IGSF3: variants seen among roughly 807,000 people sequenced by gnomAD.
IGSF3 encodes glu-Trp-Ile EWI motif-containing protein 3.
IGSF3 carries 23 observed loss-of-function variants against 114.4 expected under a neutral mutation model. The observed-to-expected ratio is 0.20, with a 90% CI of 0.14 to 0.28. IGSF3 has a LOEUF of 0.28. Ranked by LOEUF, IGSF3 falls within the 10% of genes least tolerant of loss-of-function variation. IGSF3 has a pLI of 1.00. For missense variants in IGSF3, 1,172 were observed against 1,591.5 expected (o/e 0.74, Z 4.48); for synonymous variants, 571 against 645.2 (o/e 0.88, Z 1.74).
rs777986471 is a variant in IGSF3 at position 116,608,232 on chromosome 1, T to G, written c.932A>C (p.Asp311Ala). Reference sequence around the variant, plus strand: ...GGCCCAGGAGACAGCAAAGTAACGGTCGGGAACATTCTGAGCCTCCAGGAT... The same window carrying G: ...GGCCCAGGAGACAGCAAAGTAACGGGCGGGAACATTCTGAGCCTCCAGGAT... ...RCILEAQNVP[D>A]RYFAVSWAFN... is the part of the protein sequence containing the mutation. Residue 311 changes from aspartate (D) to alanine (A), a missense_variant, in exon 5 of 11, where the codon GAC (aspartate) becomes GCC (alanine). Asp to Ala is a moderately radical substitution (Grantham distance 126, BLOSUM62 -2). Coordinates refer to ENST00000369486, the MANE Select transcript of IGSF3 (RefSeq NM_001007237.3). The G allele has an allele frequency of 1.2e-6, 2 of 1,609,784 alleles. No individual in the cohort carries two copies. Among genetic ancestry groups the G allele is most frequent in the Admixed American group, 3.3e-5 (2 of 59,726 alleles).
Position 116,579,496 on chromosome 1 carries a change from T to C in IGSF3, c.3230A>G (p.Asn1077Ser), listed in dbSNP as rs1240657356. Residue 1077 changes from asparagine to serine, a missense_variant, in exon 10 of 11, where the codon AAT (asparagine) becomes AGT (serine). By Grantham distance (46) the Asn-to-Ser change is conservative (BLOSUM62 1). Transcript: ENST00000369486. This position sits in a 1 kb window ranked among gnomAD's most constrained non-coding sequence, Gnocchi z 6.4. ...VLQASPQDTG[N>S]YSCHVEEWLP... ...CCACTCCTCCACATGGCAGGAGTAA[T>C]TGCCTGTATCTTGGGGGCTTGCCTG... is the stretch of plus-strand genomic sequence containing the variant. 1 of 1,614,040 alleles carries C rather than the reference T, an allele frequency of 6.2e-7. No individual in the cohort carries two copies. Among genetic ancestry groups the C allele is most frequent in the Admixed American group, 1.7e-5 (1 of 60,020 alleles).
At chr1:116,609,806 C>T (rs1352846630) in intron 4 of IGSF3, among the ~76,000 whole-genome samples, 1 of 152,070 alleles carries the variant, frequency 6.6e-6, no homozygotes, top group African/African-American at 2.4e-5. Context: ...TTCTGTTTCC[C>T]CAAGAAAACA....
chr1:116,603,799 G>T lies in IGSF3; in HGVS notation c.1449C>A (p.Gly483=), dbSNP rs766821880. 9 of 1,613,846 alleles carry T rather than the reference G, an allele frequency of 5.6e-6. No individual in the cohort carries two copies. In the East Asian group the frequency reaches 1.6e-4, roughly 28 times the overall value. The change falls in exon 6 of 11, where the codon GGC becomes GGA. Residue 483 remains glycine (G), a synonymous_variant. Coordinates refer to ENST00000369486, the MANE Select transcript of IGSF3 (RefSeq NM_001007237.3). This position sits in a 1 kb window ranked among gnomAD's most constrained non-coding sequence, Gnocchi z 7.1. ...TGGGCTGCACCTGCTCCATCTGGAC[G>T]CCCCCAAAGCTGCTGCGCTCCCAGT... ...SSYWERSSFG[G]VQMEQVQPNS...
rs745956688 is a variant in IGSF3 at position 116,577,360 on chromosome 1, A to C, written c.3537T>G (p.Thr1179=). The change falls in exon 11 of 11, where the codon ACT becomes ACG. Residue 1179 remains threonine (T), a synonymous_variant. Coordinates refer to ENST00000369486, the MANE Select transcript of IGSF3 (RefSeq NM_001007237.3). The surrounding 1 kb of genome is among the most constrained non-coding windows in gnomAD (Gnocchi z 5.7). ...IKEPHLNYSP[T]CLEPPVLSIH... ...TACTGAGAACAGGGGGCTCCAGGCAAGTAGGGGAGTAGTTGAGGTGTGGCT... is the reference window on the plus strand; with the variant it reads ...TACTGAGAACAGGGGGCTCCAGGCACGTAGGGGAGTAGTTGAGGTGTGGCT... 6 of 1,614,020 alleles carry C rather than the reference A, an allele frequency of 3.7e-6. No homozygotes were observed. The African/African-American group carries it at 8.0e-5, about 22-fold the overall frequency.
Position 116,628,111 on chromosome 1 carries a change from T to C in IGSF3, c.44-11654A>G, listed in dbSNP as rs968617149. On this transcript the variant is annotated intron_variant, in intron 2 of 10. Coordinates refer to ENST00000369486, the MANE Select transcript of IGSF3 (RefSeq NM_001007237.3). This position sits in a 1 kb window ranked among gnomAD's most constrained non-coding sequence, Gnocchi z 4.2. ...ACTAGCTCCAGTGTGTGGGCAGAAG[T>C]GGAGAGGATGGAGAAAGGATACAAA... is the stretch of plus-strand genomic sequence containing the variant. Among the ~76,000 whole-genome samples, 35 of 151,964 alleles carry C rather than the reference T, an allele frequency of 2.3e-4. No homozygotes were observed. Among genetic ancestry groups the C allele is most frequent in the Non-Finnish European group, 4.7e-4 (32 of 67,968 alleles).
At chr1:116,637,842 G>A (rs898286636) in intron 2 of IGSF3, among the ~76,000 whole-genome samples, 4 of 152,154 alleles carry the variant, frequency 2.6e-5, no homozygotes, top group Non-Finnish European at 4.4e-5. Flanking sequence ...TGATTCAGAT[G>A]AGTGTGACCT....
intron 8 of IGSF3, among the ~76,000 whole-genome samples, chr1:116,586,344 A>G (rs900655017): frequency 6.6e-6 from 1 of 152,210 alleles, no homozygotes; most frequent in African/African-American, 2.4e-5. Context: ...CTCAGGGTTG[A>G]AAGGTTATTT....
intron 8 of IGSF3, among the ~76,000 whole-genome samples, chr1:116,587,832 A>AC (rs1033409726): frequency 2.6e-5 from 4 of 151,946 alleles, no homozygotes; most frequent in South Asian, 2.1e-4. Flanking sequence ...GCAACACAGC[A>AC]CCCCCCATGG....
chr1:116,594,352 A>G lies in IGSF3; in HGVS notation c.2030-5248T>C, dbSNP rs1660251959. Among the ~76,000 whole-genome samples the G allele has an allele frequency of 6.6e-6, 1 of 152,256 alleles. No homozygotes were observed. Among genetic ancestry groups the G allele is most frequent in the Admixed American group, 6.5e-5 (1 of 15,292 alleles). ...TTTTAAAGATATGATTAGGAATGTT[A>G]TATTGTATATGAATTTCATTTCTGG... On this transcript the variant is annotated intron_variant, in intron 7 of 10. Transcript: ENST00000369486. This position sits in a 1 kb window ranked among gnomAD's most constrained non-coding sequence, Gnocchi z 5.2.
chr1:116,623,068 C>T (rs1172718451), intron 2 of IGSF3, among the ~76,000 whole-genome samples: 1 of 152,262 alleles, frequency 6.6e-6, no homozygotes, highest in African/African-American at 2.4e-5. Flanking sequence ...GCCACTTCCA[C>T]AGGCACATCG....
In IGSF3 at chr1:116,648,019, G is replaced by A. The variant is rs550817643; in HGVS notation, c.43+18265C>T. Among the ~76,000 whole-genome samples the A allele has an allele frequency of 1.6e-3, 251 of 152,216 alleles. 1 individual carries two copies. Among genetic ancestry groups the A allele is most frequent in the Non-Finnish European group, 8.7e-4 (59 of 68,008 alleles). The stretch of plus-strand genomic sequence containing the variant: ...CTCGGGAGGCTGAGGCAGGAGAATC[G>A]CTTGAACCTGGGAGGCAGAGGTTGC... On this transcript the variant is annotated intron_variant, in intron 2 of 10. Transcript: ENST00000369486. The surrounding 1 kb of genome is among the most constrained non-coding windows in gnomAD (Gnocchi z 4.7).
chr1:116,644,967 T>G lies in IGSF3; in HGVS notation c.43+21317A>C, dbSNP rs1285372351. 6.6e-6 allele frequency among the ~76,000 whole-genome samples: 1 copy of G among 152,104 alleles called. No individual in the cohort carries two copies. Among genetic ancestry groups the G allele is most frequent in the Non-Finnish European group, 1.5e-5 (1 of 68,016 alleles). ...GCCACTTTGGAAAACAGTCTGGTAG[T>G]TTCTTTCAAAGTTACCAAATGACCC... On this transcript the variant is annotated intron_variant, in intron 2 of 10. Transcript: ENST00000369486. This position sits in a 1 kb window ranked among gnomAD's most constrained non-coding sequence, Gnocchi z 5.6.
Position 116,629,622 on chromosome 1 carries a change from G to A in IGSF3, c.44-13165C>T, listed in dbSNP as rs1470413894. On this transcript the variant is annotated intron_variant, in intron 2 of 10. Transcript: ENST00000369486. This position sits in a 1 kb window ranked among gnomAD's most constrained non-coding sequence, Gnocchi z 4.3. Reference sequence around the variant, plus strand: ...TGATGTGAAATAGGGAATGGGTGGCGAGAAAATGATTGCAAAATTGGCTGG... The same window carrying A: ...TGATGTGAAATAGGGAATGGGTGGCAAGAAAATGATTGCAAAATTGGCTGG... Among the ~76,000 whole-genome samples, 1 of 152,188 alleles carries A rather than the reference G, an allele frequency of 6.6e-6. No individual in the cohort carries two copies. Among genetic ancestry groups the A allele is most frequent in the African/African-American group, 2.4e-5 (1 of 41,434 alleles).
At position 116,585,183 on chromosome 1, in the gene IGSF3, C is replaced by T. The variant is rs538178712; in HGVS notation, c.2441-131G>A. 1.4e-5 allele frequency: 9 copies of T among 637,342 alleles called. No individual in the cohort carries two copies. Among genetic ancestry groups the T allele is most frequent in the African/African-American group, 1.1e-4 (6 of 55,200 alleles). The allele number at this position is 637,342 out of a possible 1,614,324, so 39.5% of individuals were successfully genotyped here. A position where few individuals can be genotyped will look rare whatever the true frequency, so the allele number is the denominator to read the frequency against. On this transcript the variant is annotated intron_variant, in intron 8 of 10. Coordinates refer to ENST00000369486, the MANE Select transcript of IGSF3 (RefSeq NM_001007237.3). This position sits in a 1 kb window ranked among gnomAD's most constrained non-coding sequence, Gnocchi z 4.9. The stretch of plus-strand genomic sequence containing the variant: ...GCAGCACACACTCCATTAGGAGAAA[C>T]GTTTCTCAGATGTGGCTCCCTAAAC...
In IGSF3 at chr1:116,655,518, T is replaced by C. The variant is rs1468267949; in HGVS notation, c.43+10766A>G. ...CAACGCTGTGAAATGATAATCTTTT[T>C]ACAGCAATAACTGTTGCTGCAGGGG... On this transcript the variant is annotated intron_variant, in intron 2 of 10. Transcript: ENST00000369486. This position sits in a 1 kb window ranked among gnomAD's most constrained non-coding sequence, Gnocchi z 4.3. Among the ~76,000 whole-genome samples, 1 of 152,246 alleles carries C rather than the reference T, an allele frequency of 6.6e-6. No homozygotes were observed. The highest frequency in any genetic ancestry group is 2.1e-4 in the South Asian group (1 of 4,838).
Position 116,625,084 on chromosome 1 carries a change from A to G in IGSF3, c.44-8627T>C, listed in dbSNP as rs1336937836. 6.6e-6 allele frequency among the ~76,000 whole-genome samples: 1 copy of G among 152,258 alleles called. No individual in the cohort carries two copies. The highest frequency in any genetic ancestry group is 1.5e-5 in the Non-Finnish European group (1 of 68,042). ...TTTTAAGCCACTGAGGTTTGGAAAC[A>G]TTTGTTACATAGAAAGGTAACAAGA... is the stretch of plus-strand genomic sequence containing the variant. On this transcript the variant is annotated intron_variant, in intron 2 of 10. Coordinates refer to ENST00000369486, the MANE Select transcript of IGSF3 (RefSeq NM_001007237.3). This position sits in a 1 kb window ranked among gnomAD's most constrained non-coding sequence, Gnocchi z 4.7.
At position 116,579,441 on chromosome 1, in the gene IGSF3, C is replaced by A; in HGVS notation, c.3285G>T (p.Arg1095=). ...WLPSPQKEWY[R]LTEEESAPIG... is the part of the protein sequence containing the mutation. ...TGGGGGCTGACTCCTCCTCCGTCAG[C>A]CGGTACCATTCCTTCTGAGGGCTGG... The change falls in exon 10 of 11, where the codon CGG becomes CGT. Residue 1095 remains arginine (R), a synonymous_variant. Transcript: ENST00000369486. This position sits in a 1 kb window ranked among gnomAD's most constrained non-coding sequence, Gnocchi z 6.4. 6.2e-7 allele frequency: 1 copy of A among 1,608,790 alleles called. No homozygotes were observed. Among genetic ancestry groups the A allele is most frequent in the Non-Finnish European group, 8.5e-7 (1 of 1,177,014 alleles).
In IGSF3 at chr1:116,600,623, T is replaced by C. The variant is rs989804882; in HGVS notation, c.1625-278A>G. Among the ~76,000 whole-genome samples, 2 of 152,154 alleles carry C rather than the reference T, an allele frequency of 1.3e-5. No individual in the cohort carries two copies. Among genetic ancestry groups the C allele is most frequent in the African/African-American group, 4.8e-5 (2 of 41,438 alleles). ...TCGTGCATTTGCTCCTCCCCTGGAA[T>C]TAGACATCACAATCCTCTCAGGGAC... On this transcript the variant is annotated intron_variant, in intron 6 of 10. Coordinates refer to ENST00000369486, the MANE Select transcript of IGSF3 (RefSeq NM_001007237.3). The surrounding 1 kb of genome is among the most constrained non-coding windows in gnomAD (Gnocchi z 5.5).
chr1:116,584,587 A>T lies in IGSF3; in HGVS notation c.2848+58T>A. The stretch of plus-strand genomic sequence containing the variant: ...ACTAATTTTATCCAGTGCATAAAAC[A>T]GTATACTTAAATGGGAAACACCAGA... On this transcript the variant is annotated intron_variant, in intron 9 of 10. Coordinates refer to ENST00000369486, the MANE Select transcript of IGSF3 (RefSeq NM_001007237.3). The surrounding 1 kb of genome is among the most constrained non-coding windows in gnomAD (Gnocchi z 5.8). The T allele has an allele frequency of 6.5e-7, 1 of 1,530,268 alleles. No individual in the cohort carries two copies. Among genetic ancestry groups the T allele is most frequent in the Admixed American group, 1.7e-5 (1 of 59,676 alleles). The allele number at this position is 1,530,268 out of a possible 1,614,324, so 94.8% of individuals were successfully genotyped here.
Sources: allele counts gnomAD v4.1 joint callset (sites outside exome capture counted in the v4.1 genomes callset), GRCh38; gene constraint gnomAD v4.1.1; non-coding constraint Gnocchi (gnomAD v3.1); transcripts MANE v1.5; gene names NCBI Gene and HGNC (gene_info 2026-07-23, HGNC 2026-07-21).